NOX4: variants seen among roughly 807,000 people sequenced by gnomAD.
NOX4 encodes NADPH oxidase 4, also known as kidney oxidase-1.
Under a neutral mutation model 87.6 loss-of-function variants are expected in NOX4, and 69 were observed. That is an observed-to-expected ratio of 0.79 (90% CI 0.65 to 0.96). The LOEUF (loss-of-function observed/expected upper bound fraction) is 0.96, where lower values mean the gene tolerates loss of function less well. Among genes scored for constraint, NOX4 ranks in the 40% least tolerant of loss-of-function variants. The probability of loss-of-function intolerance (pLI) is 0.00; values close to 1 mark genes in which losing one functional copy is unlikely to be tolerated. For synonymous variants in NOX4, 275 were observed against 238.2 expected, an observed-to-expected ratio of 1.15 and a Z score of -1.42; for missense variants, 680 against 681.5, an observed-to-expected ratio of 1.00 and a Z score of 0.02.
chr11:89,560,996 C>CTCTATATATA, the NOX4 span, among the ~76,000 whole-genome samples: 34 of 40,802 alleles, frequency 8.3e-4, 1 homozygote, highest in African/African-American at 4.1e-3. Flanking sequence ...CTCTCTCTCT[C>CTCTATATATA]TATATATATA....
intron 2 of NOX4, among the ~76,000 whole-genome samples, chr11:89,486,539 CAT>C (rs1171149356): frequency 1.1e-5 from 1 of 93,118 alleles, no homozygotes; most frequent in Non-Finnish European, 2.5e-5. Context: ...TGTATATATA[CAT>C]ATATGTGTGT....
chr11:89,332,712 G>T (rs1448937915), intron 17 of NOX4, among the ~76,000 whole-genome samples: 2 of 151,798 alleles, frequency 1.3e-5, no homozygotes, highest in African/African-American at 2.4e-5. Flanking sequence ...ACTATGCCCT[G>T]CTGTAAAGCA....
the NOX4 span, among the ~76,000 whole-genome samples, chr11:89,579,641 T>C: frequency 6.6e-6 from 1 of 152,092 alleles, no homozygotes; most frequent in Admixed American, 6.6e-5. Context: ...CTAAGGACCT[T>C]AGTTAATAAT....
chr11:89,584,823 A>G, the NOX4 span, among the ~76,000 whole-genome samples: 1 of 152,134 alleles, frequency 6.6e-6, no homozygotes, highest in Non-Finnish European at 1.5e-5. Flanking sequence ...CTGCATGTAG[A>G]GAGAGATCAT....
chr11:89,430,417 C>A (rs1334341770), intron 7 of NOX4, among the ~76,000 whole-genome samples: 1 of 152,080 alleles, frequency 6.6e-6, no homozygotes, highest in Non-Finnish European at 1.5e-5. Flanking sequence ...TCAAATCGTC[C>A]CTGTTTGCAG....
chr11:89,475,351 G>A (rs1182378896), intron 2 of NOX4, among the ~76,000 whole-genome samples: 1 of 151,752 alleles, frequency 6.6e-6, no homozygotes, highest in Non-Finnish European at 1.5e-5. Context: ...AAGAAAATAA[G>A]GTAGGGCAAG....
chr11:89,432,725 A>G, intron 7 of NOX4, 59 bp downstream of exon 7: 1 of 1,258,960 alleles, frequency 7.9e-7, no homozygotes, highest in Non-Finnish European at 1.2e-6. Context: ...TTGATTACTC[A>G]AGACTTTTTC....
At chr11:89,425,558 A>G (rs1305205585) in intron 7 of NOX4, among the ~76,000 whole-genome samples, 2 of 152,066 alleles carry the variant, frequency 1.3e-5, no homozygotes, top group Non-Finnish European at 2.9e-5. Context: ...AAATGTTCAT[A>G]ATATAAATTT....
the NOX4 span, among the ~76,000 whole-genome samples, chr11:89,567,587 G>C: frequency 6.6e-6 from 1 of 152,212 alleles, no homozygotes; most frequent in Non-Finnish European, 1.5e-5. Flanking sequence ...TGGCAGAAGA[G>C]AGAATGAGTG....
chr11:89,413,515 C>T (rs12801870), intron 8 of NOX4, among the ~76,000 whole-genome samples: 121 of 152,058 alleles, frequency 8.0e-4, no homozygotes, highest in Middle Eastern at 3.4e-3. Context: ...GAGATCCTCT[C>T]ATTTTCAACG....
intron 2 of NOX4, among the ~76,000 whole-genome samples, chr11:89,462,083 C>A (rs145816374): frequency 0.013 from 1,932 of 150,898 alleles, 38 homozygotes; most frequent in African/African-American, 0.044. Flanking sequence ...TATAAAATGG[C>A]GACAGATATT....
intron 6 of NOX4, among the ~76,000 whole-genome samples, chr11:89,434,340 C>A (rs937685058): frequency 1.3e-5 from 2 of 152,030 alleles, no homozygotes; most frequent in African/African-American, 4.8e-5. Flanking sequence ...CCTCACTTTC[C>A]CAGTAGACAG....
At chr11:89,500,952 T>C (rs1167289180), upstream of NOX4, among the ~76,000 whole-genome samples, 1 of 152,092 alleles carries the variant, frequency 6.6e-6, no homozygotes, top group African/African-American at 2.4e-5. Flanking sequence ...GACATTAGTT[T>C]AGCACATTAG....
chr11:89,426,602 C>G (rs1403780236), intron 7 of NOX4, among the ~76,000 whole-genome samples: 1 of 152,178 alleles, frequency 6.6e-6, no homozygotes, highest in Non-Finnish European at 1.5e-5. Flanking sequence ...GAGGGTCCCA[C>G]ACCCTCAGAA....
chr11:89,488,983 C>A (rs948226650), intron 2 of NOX4: 2 of 702,524 alleles, frequency 2.8e-6, no homozygotes, highest in Admixed American at 4.0e-5. Flanking sequence ...GTATAGGTTT[C>A]AAGACAGTTC....
At chr11:89,531,349 G>A in the NOX4 span, among the ~76,000 whole-genome samples, 3 of 152,106 alleles carry the variant, frequency 2.0e-5, no homozygotes, top group Non-Finnish European at 4.4e-5. Context: ...AAGCAACAGT[G>A]ATTTTAAGAC....
the NOX4 span, among the ~76,000 whole-genome samples, chr11:89,515,260 A>T: frequency 2.6e-5 from 4 of 152,016 alleles, no homozygotes; most frequent in Non-Finnish European, 5.9e-5. Flanking sequence ...TTGCTCTACA[A>T]CCTTGCCAAT....
At chr11:89,583,893 G>GTT in the NOX4 span, among the ~76,000 whole-genome samples, 1 of 152,068 alleles carries the variant, frequency 6.6e-6, no homozygotes, top group South Asian at 2.1e-4. Context: ...AAAAGGAATG[G>GTT]ATAAATGAAT....
intron 8 of NOX4, among the ~76,000 whole-genome samples, chr11:89,420,729 G>A (rs1273305006): frequency 6.6e-6 from 1 of 152,072 alleles, no homozygotes; most frequent in East Asian, 1.9e-4. Context: ...CTAAACAAAG[G>A]TCTGAACCTT....
Sources: gnomAD v4.1 joint callset for allele counts (sites outside exome capture counted in the v4.1 genomes callset) on GRCh38, gnomAD v4.1.1 for gene constraint, MANE v1.5 for transcripts, NCBI Gene and HGNC (gene_info 2026-07-23, HGNC 2026-07-21) for gene names.